The following ZIM2 variants were observed in gnomAD, a reference collection of about 807,000 sequenced individuals.
The protein encoded by ZIM2 is zinc finger imprinted 2.
In ZIM2, 14 loss-of-function variants were observed where a neutral mutation model predicts 38.6. The ratio of observed to expected loss-of-function variants is 0.36; its 90% CI spans 0.24 to 0.57. ZIM2 has a LOEUF of 0.57. Ranked by LOEUF, ZIM2 falls within the 20% of genes least tolerant of loss-of-function variation. ZIM2 has a pLI of 0.81. For synonymous variants in ZIM2, 247 were observed against 245.8 expected (o/e 1.00, Z -0.04); for missense variants, 680 against 695.1 (o/e 0.98, Z 0.24).
chr19:56,811,856 C>T (rs890405941), intron 9 of ZIM2: 36 of 985,440 alleles, frequency 3.7e-5, no homozygotes, highest in Non-Finnish European at 4.1e-5. Context: ...ACAGTTCTTG[C>T]CTCTGGTGTT....
rs1251353504 is a variant in ZIM2, at chr19:56,814,132, CCAGCCTCTCCAATGGGCTCTG to C, written c.490+3593_490+3613del. The C allele has an allele frequency of 1.9e-6, 3 of 1,614,050 alleles. No individual in the cohort carries two copies. Among genetic ancestry groups the C allele is most frequent in the Admixed American group, 1.7e-5 (1 of 60,018 alleles). On this transcript the variant is annotated intron_variant, in intron 9 of 12. Transcript: ENST00000629319. The surrounding 1 kb of genome is among the most constrained non-coding windows in gnomAD (Gnocchi z 5.8). ...CTGCTCGGCCTCTCCATTTGGCTGT[CCAGCCTCTCCAATGGGCTCTG>C]CAGCCTCTCCATCTGGCCCTTCAGC...
At chr19:56,797,649 C>T (rs1041193934) in intron 9 of ZIM2, among the ~76,000 whole-genome samples, 1 of 152,166 alleles carries the variant, frequency 6.6e-6, no homozygotes, top group African/African-American at 2.4e-5. Context: ...TCTTCCCCTC[C>T]TCCTCCTCCT....
intron 1 of ZIM2, among the ~76,000 whole-genome samples, chr19:56,836,969 CAAAAA>C (rs573566620): frequency 2.5e-3 from 294 of 116,758 alleles, no homozygotes; most frequent in African/African-American, 0.01. Flanking sequence ...GACTCTGTCT[CAAAAA>C]AAAAAAAAAA....
intron 9 of ZIM2, among the ~76,000 whole-genome samples, chr19:56,804,583 T>C (rs1018275349): frequency 1.3e-5 from 2 of 152,316 alleles, no homozygotes. Context: ...CCTCACAAGG[T>C]AGCCTCTGTT....
At chr19:56,817,131 G>A (rs200534773) in intron 9 of ZIM2, 6 of 1,614,138 alleles carry the variant, frequency 3.7e-6, no homozygotes, top group African/African-American at 1.3e-5. Context: ...CGGTAAAGGA[G>A]GGGGAGCTGA....
At chr19:56,839,532 GC>G (rs967666676) in intron 1 of ZIM2, among the ~76,000 whole-genome samples, 2 of 150,138 alleles carry the variant, frequency 1.3e-5, no homozygotes, top group Non-Finnish European at 3.0e-5. Context: ...AACCTCAGCA[GC>G]CCCCATCAAA....
intron 1 of ZIM2, among the ~76,000 whole-genome samples, chr19:56,837,147 G>A (rs2062232932): frequency 6.6e-6 from 1 of 152,102 alleles, no homozygotes; most frequent in Non-Finnish European, 1.5e-5. Context: ...AGGGCTGGGA[G>A]GGCCACACCC....
chr19:56,792,197 C>T (rs1263160127), intron 9 of ZIM2, among the ~76,000 whole-genome samples: 3 of 152,002 alleles, frequency 2.0e-5, no homozygotes, highest in Non-Finnish European at 2.9e-5. Context: ...ATCATGTCCT[C>T]TGCAGCAACA....
intron 9 of ZIM2, chr19:56,816,106 A>G (rs1186250570): frequency 6.2e-7 from 1 of 1,611,782 alleles, no homozygotes; most frequent in East Asian, 2.2e-5. Context: ...TAAGCTATGA[A>G]TAACAGACCT....
At chr19:56,824,801 G>A (rs1568683174) in intron 3 of ZIM2, 8 of 722,788 alleles carry the variant, frequency 1.1e-5, no homozygotes, top group East Asian at 5.3e-5. Context: ...CAGCAGTGGA[G>A]GCCACCTTAC....
chr19:56,798,951 G>C (rs995191739), intron 9 of ZIM2: 2 of 152,002 alleles, frequency 1.3e-5, no homozygotes, highest in African/African-American at 2.4e-5. Context: ...ATTACTTAAA[G>C]GTCAAAAAAC....
intron 9 of ZIM2, chr19:56,810,407 T>C (rs2146062137): frequency 1.0e-6 from 1 of 985,310 alleles, no homozygotes; most frequent in Non-Finnish European, 1.2e-6. Flanking sequence ...TTCTTGTTTT[T>C]CATCTTTCTT....
intron 9 of ZIM2, chr19:56,817,469 T>A: frequency 1.9e-6 from 3 of 1,613,098 alleles, no homozygotes; most frequent in Non-Finnish European, 2.5e-6. Context: ...GATTTGGAAC[T>A]GCGTGACACA....
At chr19:56,839,429 C>G (rs887363626) in intron 1 of ZIM2, among the ~76,000 whole-genome samples, 1 of 150,706 alleles carries the variant, frequency 6.6e-6, no homozygotes, top group African/African-American at 2.5e-5. Flanking sequence ...CGGGCAGGGC[C>G]TGAACAGATC....
intron 10 of ZIM2, chr19:56,782,339 T>C (rs2046369978): frequency 1.8e-6 from 1 of 559,050 alleles, no homozygotes; most frequent in Non-Finnish European, 3.1e-6. Context: ...AAATATCCTT[T>C]TAAGCCACTT....
rs1265390353 is a variant in ZIM2 at position 56,814,348 on chromosome 19, G to C, written c.490+3398C>G. 2 of 1,613,828 alleles carry C rather than the reference G, an allele frequency of 1.2e-6. No homozygotes were observed. The highest frequency in any genetic ancestry group is 3.3e-5 in the Admixed American group (2 of 60,024). On this transcript the variant is annotated intron_variant, in intron 9 of 12. Transcript: ENST00000629319. This position sits in a 1 kb window ranked among gnomAD's most constrained non-coding sequence, Gnocchi z 5.8. ...TTCCTGGGCTGCTGCTGCTGCAGCT[G>C]CTGCTGCTTCATCTTCTTCTTCTTC...
In ZIM2 at chr19:56,789,940, G is replaced by C; in HGVS notation, c.502C>G (p.Gln168Glu). 6.4e-7 allele frequency: 1 copy of C among 1,561,784 alleles called. No individual in the cohort carries two copies. The highest frequency in any genetic ancestry group is 8.7e-7 in the Non-Finnish European group (1 of 1,144,516). ...CTCTTTTCTGCAGGGACAGAGTCCT[G>C]AGCAAGGAAACCTAGAAGGGAGAGA... ...YPSTSRGFLA[Q>E]DSVPAEKRNT... The change falls in exon 10 of 13, where the codon CAG becomes GAG. Residue 168 changes from glutamine to glutamate, a missense_variant. Gln to Glu is a conservative substitution (Grantham distance 29). Transcript: ENST00000629319.
At chr19:56,793,329 C>T (rs1215463677) in intron 9 of ZIM2, 1 of 152,686 alleles carries the variant, frequency 6.5e-6, no homozygotes, top group East Asian at 1.9e-4. Flanking sequence ...AGGGATTCCT[C>T]AAGATATCTG....
At chr19:56,829,121 C>T (rs559491353) in intron 2 of ZIM2, among the ~76,000 whole-genome samples, 65 of 151,992 alleles carry the variant, frequency 4.3e-4, no homozygotes, top group Non-Finnish European at 7.8e-4. Flanking sequence ...GAGGCCGAGG[C>T]GGGTAGATTA....
Sources: allele counts gnomAD v4.1 joint callset (sites outside exome capture counted in the v4.1 genomes callset), GRCh38; gene constraint gnomAD v4.1.1; non-coding constraint Gnocchi (gnomAD v3.1); transcripts MANE v1.5; gene names NCBI Gene and HGNC (gene_info 2026-07-23, HGNC 2026-07-21).